The following EEPD1 variants were observed in gnomAD, a reference collection of about 807,000 sequenced individuals.
EEPD1 encodes endonuclease/exonuclease/phosphatase family domain-containing protein 1.
A neutral mutation model predicts 46.3 loss-of-function variants in EEPD1; 17 were observed. That is an observed-to-expected ratio of 0.37 (90% CI 0.25 to 0.55). The LOEUF is 0.55. EEPD1 is among the 20% of genes least tolerant of loss of function. EEPD1 has a pLI of 0.83. For missense variants in EEPD1, 673 were observed against 745.6 expected (o/e 0.90, Z 1.13); for synonymous variants, 313 against 315.6 (o/e 0.99, Z 0.09).
Position 36,195,299 on chromosome 7 carries a change from G to T in EEPD1, c.878+40097G>T, listed in dbSNP as rs115807273. On this transcript the variant is annotated intron_variant, in intron 2 of 7. Transcript: ENST00000242108. The stretch of plus-strand genomic sequence containing the variant: ...GCGACTCCTGCCTCCCTGACCCAGT[G>T]TGCTGGGGGCAGAGCAGCCCAGTGG... Among the ~76,000 whole-genome samples the T allele has an allele frequency of 6.8e-3, 1,029 of 152,358 alleles. 14 individuals are homozygous for T. Among genetic ancestry groups the T allele is most frequent in the African/African-American group, 0.023 (966 of 41,588 alleles).
At chr7:36,293,879 G>T (rs182255327) in intron 6 of EEPD1, among the ~76,000 whole-genome samples, 1 of 152,038 alleles carries the variant, frequency 6.6e-6, no homozygotes, top group East Asian at 1.9e-4. Context: ...CAGGAGAATC[G>T]CTTGAACCCG....
chr7:36,172,641 T>TA (rs1785106498), intron 2 of EEPD1, among the ~76,000 whole-genome samples: 1 of 109,320 alleles, frequency 9.1e-6, no homozygotes. Context: ...TTTTTTTTTT[T>TA]AGCTCATCAG....
At chr7:36,258,980 C>T (rs965490026) in intron 3 of EEPD1, among the ~76,000 whole-genome samples, 3 of 151,860 alleles carry the variant, frequency 2.0e-5, no homozygotes, top group East Asian at 1.9e-4. Flanking sequence ...GATGTAGGCA[C>T]CTAAGGGAAT....
chr7:36,197,400 C>G (rs1017452374), intron 2 of EEPD1, among the ~76,000 whole-genome samples: 20 of 152,168 alleles, frequency 1.3e-4, no homozygotes, highest in Non-Finnish European at 2.5e-4. Context: ...GCCACCACCC[C>G]GTCTGGGAGG....
chr7:36,216,188 G>A lies in EEPD1; in HGVS notation c.879-22797G>A, dbSNP rs1393401928. On this transcript the variant is annotated intron_variant, in intron 2 of 7. Transcript: ENST00000242108. ...TCCAATTATCAAAGGAGAGGAAGGA[G>A]AGAAGAGGTTCCAAAGCTCAGCTAA... Among the ~76,000 whole-genome samples, 7 of 152,202 alleles carry A rather than the reference G, an allele frequency of 4.6e-5. No individual in the cohort carries two copies. In the East Asian group the frequency reaches 1.2e-3, roughly 25 times the overall value.
chr7:36,230,553 C>A (rs965014649), intron 2 of EEPD1, among the ~76,000 whole-genome samples: 1 of 152,136 alleles, frequency 6.6e-6, no homozygotes, highest in East Asian at 1.9e-4. Context: ...TTGCTCTTGC[C>A]GTTCCTGCCA....
intron 2 of EEPD1, among the ~76,000 whole-genome samples, chr7:36,182,227 A>G (rs144482081): frequency 3.9e-5 from 6 of 152,360 alleles, no homozygotes; most frequent in Non-Finnish European, 7.3e-5. Flanking sequence ...TTTCTGTTCT[A>G]TAGTGTTCAG....
chr7:36,247,321 G>T (rs1356493709), intron 3 of EEPD1, among the ~76,000 whole-genome samples: 1 of 152,114 alleles, frequency 6.6e-6, no homozygotes, highest in Non-Finnish European at 1.5e-5. Context: ...TGTAATTGGT[G>T]AGGGTGTTTT....
intron 6 of EEPD1, among the ~76,000 whole-genome samples, chr7:36,292,699 G>C (rs985663789): frequency 6.6e-6 from 1 of 152,040 alleles, no homozygotes; most frequent in Non-Finnish European, 1.5e-5. Context: ...GTAGAGATGG[G>C]GTTTCACTAT....
intron 5 of EEPD1, among the ~76,000 whole-genome samples, chr7:36,286,706 G>A (rs996116153): frequency 2.0e-5 from 3 of 152,218 alleles, no homozygotes; most frequent in South Asian, 2.1e-4. Context: ...GAACACAGAG[G>A]AGCGTGTGTG....
intron 2 of EEPD1, among the ~76,000 whole-genome samples, chr7:36,188,432 G>A (rs1006592178): frequency 2.6e-5 from 4 of 152,140 alleles, no homozygotes; most frequent in Non-Finnish European, 5.9e-5. Flanking sequence ...TCTGTGCTGG[G>A]GTCAGTCTGG....
chr7:36,216,830 C>A (rs1400684885), intron 2 of EEPD1, among the ~76,000 whole-genome samples: 3 of 152,184 alleles, frequency 2.0e-5, no homozygotes, highest in African/African-American at 7.2e-5. Flanking sequence ...GACAACAGCA[C>A]ATACAATATG....
chr7:36,213,431 T>C (rs535225967), intron 2 of EEPD1, among the ~76,000 whole-genome samples: 3 of 152,178 alleles, frequency 2.0e-5, no homozygotes, highest in Admixed American at 2.0e-4. Context: ...TGCGAGGCAC[T>C]GTAGTTAGAG....
At chr7:36,210,031 C>T (rs566477215) in intron 2 of EEPD1, among the ~76,000 whole-genome samples, 79 of 151,966 alleles carry the variant, frequency 5.2e-4, no homozygotes, top group South Asian at 3.3e-3. Context: ...ATGGAGAGGA[C>T]GTTGAGGCAG....
At chr7:36,268,580 T>C (rs1787058771) in intron 3 of EEPD1, among the ~76,000 whole-genome samples, 1 of 152,176 alleles carries the variant, frequency 6.6e-6, no homozygotes, top group African/African-American at 2.4e-5. Context: ...GGACTGTACC[T>C]CCCAGCATGC....
rs139765099 is a variant in EEPD1 at position 36,154,772 on chromosome 7, G to A, written c.448G>A (p.Val150Met). 4 of 1,613,980 alleles carry A rather than the reference G, an allele frequency of 2.5e-6. No homozygotes were observed. The highest frequency in any genetic ancestry group is 3.4e-6 in the Non-Finnish European group (4 of 1,180,028). The change falls in exon 2 of 8, where the codon GTG becomes ATG. Residue 150 changes from valine to methionine, a missense_variant. By Grantham distance (21) the Val-to-Met change is conservative. Transcript: ENST00000242108. The surrounding 1 kb of genome is among the most constrained non-coding windows in gnomAD (Gnocchi z 4.2). ...AGCCACCCCGGCCCAGCTCATGAGC[G>A]TGCGAGGCCTCTCGGAGAAAATGGC... is the stretch of plus-strand genomic sequence containing the variant. ...NTATPAQLMS[V>M]RGLSEKMALS...
In EEPD1 at chr7:36,220,060, C is replaced by A. The variant is rs538015944; in HGVS notation, c.879-18925C>A. On this transcript the variant is annotated intron_variant, in intron 2 of 7. Transcript: ENST00000242108. ...GCCCAGCTAGAGTCCCCTCTGCTAC[C>A]AGGTGAGGTCGTGGAGGATGGGGAT... Among the ~76,000 whole-genome samples, 8 of 152,124 alleles carry A rather than the reference C, an allele frequency of 5.3e-5. No individual in the cohort carries two copies. The South Asian group carries it at 8.3e-4, about 16-fold the overall frequency.
chr7:36,187,621 C>A (rs1302337500), intron 2 of EEPD1, among the ~76,000 whole-genome samples: 1 of 152,018 alleles, frequency 6.6e-6, no homozygotes, highest in African/African-American at 2.4e-5. Flanking sequence ...TGTATGTATA[C>A]CCCATTTTCT....
intron 2 of EEPD1, among the ~76,000 whole-genome samples, chr7:36,209,142 G>T (rs893456878): frequency 6.6e-6 from 1 of 152,202 alleles, no homozygotes; most frequent in African/African-American, 2.4e-5. Flanking sequence ...GTTAAAACCA[G>T]CCATGGTACT....
Sources: gnomAD v4.1 joint callset for allele counts (sites outside exome capture counted in the v4.1 genomes callset) on GRCh38, gnomAD v4.1.1 for gene constraint, Gnocchi (gnomAD v3.1) non-coding constraint, MANE v1.5 for transcripts, NCBI Gene and HGNC (gene_info 2026-07-23, HGNC 2026-07-21) for gene names.